The following EAF2 variants were observed in gnomAD, a reference collection of about 807,000 sequenced individuals.
EAF2 encodes the protein ELL-associated factor 2.
Under a neutral mutation model 29.4 loss-of-function variants are expected in EAF2, and 29 were observed. That is an observed-to-expected ratio of 0.99 (90% CI 0.73 to 1.35). The LOEUF is 1.35. Ranked by LOEUF, EAF2 falls within the 40% of genes most tolerant of loss-of-function variation. The probability of loss-of-function intolerance (pLI) is 0.00; values close to 1 mark genes in which losing one functional copy is unlikely to be tolerated. For synonymous variants in EAF2, 103 were observed against 102.5 expected, an observed-to-expected ratio of 1.00 and a Z score of -0.03; for missense variants, 292 against 312.0, an observed-to-expected ratio of 0.94 and a Z score of 0.48.
chr3:121,857,127 C>T lies in EAF2; in HGVS notation c.455C>T (p.Pro152Leu). The T allele has an allele frequency of 6.2e-7, 1 of 1,612,706 alleles. No homozygotes were observed. Among genetic ancestry groups the T allele is most frequent in the South Asian group, 1.1e-5 (1 of 90,854 alleles). Residue 152 changes from proline (P) to leucine (L), a missense_variant, in exon 4 of 6, where the codon CCA (proline) becomes CTA (leucine). By Grantham distance (98) the Pro-to-Leu change is moderately conservative (BLOSUM62 -3). Coordinates refer to ENST00000273668, the MANE Select transcript of EAF2 (RefSeq NM_018456.6). ...TCTCCATCTGAAGATAAGATGTCCC[C>T]AGCATCTCCAATAGATGATATCGAA... ...KHSPSEDKMS[P>L]ASPIDDIERE...
intron 2 of EAF2, among the ~76,000 whole-genome samples, chr3:121,846,133 T>C (rs924870917): frequency 1.3e-5 from 2 of 152,220 alleles, no homozygotes; most frequent in African/African-American, 4.8e-5. Flanking sequence ...ATTAATGAGA[T>C]GGTTTACCGT....
At position 121,854,881 on chromosome 3, in the gene EAF2, A is replaced by G. The variant is rs186467448; in HGVS notation, c.338+58A>G. The stretch of plus-strand genomic sequence containing the variant: ...AACATAAATTTCTAAGGAAATGTCA[A>G]TAAAAAATTTATTAAGTCACATTAT... On this transcript the variant is annotated intron_variant, in intron 3 of 5. Coordinates refer to ENST00000273668, the MANE Select transcript of EAF2 (RefSeq NM_018456.6). 1.4e-4 allele frequency: 193 copies of G among 1,415,442 alleles called. No individual in the cohort carries two copies. The Middle Eastern group carries it at 2.0e-3, about 15-fold the overall frequency. 87.7% of individuals were successfully genotyped at this position (1,415,442 alleles called of 1,614,324 possible).
intron 1 of EAF2, 108 bp from the exon 2 acceptor site, chr3:121,844,345 A>G: frequency 1.5e-6 from 1 of 679,464 alleles, no homozygotes; most frequent in Admixed American, 2.9e-5. Flanking sequence ...AAACCATTTT[A>G]ATTACAAAGC....
At chr3:121,862,223 G>T (rs1708845383) in intron 4 of EAF2, among the ~76,000 whole-genome samples, 1 of 152,176 alleles carries the variant, frequency 6.6e-6, no homozygotes, top group Non-Finnish European at 1.5e-5. Flanking sequence ...GGCCTGCCTT[G>T]CTAGGTTGGG....
Position 121,883,257 on chromosome 3 carries a change from A to G in EAF2, c.737-3085A>G, listed in dbSNP as rs534621867. ...GGACTAGAAAAGTATATGCATATAT[A>G]TTAAAAAATTGCGTCTACAGCTGCC... On this transcript the variant is annotated intron_variant, in intron 5 of 5. Transcript: ENST00000273668. Among the ~76,000 whole-genome samples the G allele has an allele frequency of 1.6e-3, 248 of 152,310 alleles. 1 individual carries two copies. Among genetic ancestry groups the G allele is most frequent in the African/African-American group, 5.7e-3 (236 of 41,576 alleles).
intron 5 of EAF2, among the ~76,000 whole-genome samples, chr3:121,883,601 A>G (rs1401589331): frequency 6.6e-6 from 1 of 152,224 alleles, no homozygotes. Context: ...ATTGTGCAAG[A>G]CTGGTTCATC....
intron 4 of EAF2, among the ~76,000 whole-genome samples, chr3:121,864,922 G>T (rs1708897414): frequency 6.6e-6 from 1 of 152,106 alleles, no homozygotes; most frequent in South Asian, 2.1e-4. Context: ...AGGTTACAAA[G>T]AATCAGACTT....
chr3:121,874,453 G>C (rs1172790540), intron 5 of EAF2, among the ~76,000 whole-genome samples: 1 of 151,766 alleles, frequency 6.6e-6, no homozygotes. Flanking sequence ...GTAAAAGCTA[G>C]AAAAAATTTT....
chr3:121,844,659 C>T (rs1708491935), intron 2 of EAF2, 112 bp downstream of exon 2: 2 of 608,582 alleles, frequency 3.3e-6, no homozygotes, highest in Non-Finnish European at 5.3e-6. Flanking sequence ...AATTAGTAAG[C>T]ACAGATAAGC....
At chr3:121,857,741 T>A (rs1277018348) in intron 4 of EAF2, among the ~76,000 whole-genome samples, 2 of 152,220 alleles carry the variant, frequency 1.3e-5, no homozygotes, top group Non-Finnish European at 1.5e-5. Context: ...GTTACATATG[T>A]ATACATGTGG....
chr3:121,835,686 G>A lies in EAF2; in HGVS notation c.106+295G>A, dbSNP rs577768327. Among the ~76,000 whole-genome samples, 9 of 152,198 alleles carry A rather than the reference G, an allele frequency of 5.9e-5. No homozygotes were observed. The South Asian group carries it at 1.0e-3, about 18-fold the overall frequency. ...GTGACTGTGGAGACAGACGTGACAG[G>A]TGGATGATGCAGGGGTGGACAGGAA... On this transcript the variant is annotated intron_variant, in intron 1 of 5. Transcript: ENST00000273668.
intron 4 of EAF2, among the ~76,000 whole-genome samples, chr3:121,858,358 A>G (rs954491830): frequency 6.6e-6 from 1 of 152,248 alleles, no homozygotes; most frequent in Non-Finnish European, 1.5e-5. Flanking sequence ...AATGATCGCC[A>G]TTCTAACTGG....
At chr3:121,872,317 A>G (rs1263893991) in intron 4 of EAF2, among the ~76,000 whole-genome samples, 1 of 151,948 alleles carries the variant, frequency 6.6e-6, no homozygotes, top group Admixed American at 6.6e-5. Flanking sequence ...TGGAGTTTAG[A>G]TTTAGACCTT....
intron 2 of EAF2, among the ~76,000 whole-genome samples, chr3:121,853,036 T>G (rs563484654): frequency 1.3e-5 from 2 of 152,216 alleles, no homozygotes; most frequent in East Asian, 1.9e-4. Context: ...ATGAATTACA[T>G]GTACCCATCA....
intron 5 of EAF2, among the ~76,000 whole-genome samples, chr3:121,879,501 T>C (rs1332244861): frequency 6.6e-6 from 1 of 152,148 alleles, no homozygotes; most frequent in Admixed American, 6.5e-5. Context: ...TGTTTTCTTC[T>C]AGTAGTTTCA....
At chr3:121,853,593 G>A (rs1003258293) in intron 2 of EAF2, among the ~76,000 whole-genome samples, 1 of 152,052 alleles carries the variant, frequency 6.6e-6, no homozygotes, top group African/African-American at 2.4e-5. Flanking sequence ...CCTGCACCTG[G>A]CTCTCTTCTC....
intron 4 of EAF2, among the ~76,000 whole-genome samples, chr3:121,861,692 T>C (rs1175180944): frequency 1.3e-5 from 2 of 152,242 alleles, no homozygotes; most frequent in Non-Finnish European, 2.9e-5. Context: ...TATTGTTATG[T>C]GTTAATTTGA....
chr3:121,852,844 A>G (rs1340873492), intron 2 of EAF2, among the ~76,000 whole-genome samples: 1 of 152,218 alleles, frequency 6.6e-6, no homozygotes, highest in African/African-American at 2.4e-5. Flanking sequence ...TAAACTCCAA[A>G]GACAAACATA....
At chr3:121,871,723 A>C (rs1709017651) in intron 4 of EAF2, among the ~76,000 whole-genome samples, 1 of 152,026 alleles carries the variant, frequency 6.6e-6, no homozygotes, top group Non-Finnish European at 1.5e-5. Context: ...AACTGAGTGT[A>C]TTATTCACTT....
Sources: allele counts gnomAD v4.1 joint callset (sites outside exome capture counted in the v4.1 genomes callset), GRCh38; gene constraint gnomAD v4.1.1; transcripts MANE v1.5; gene names NCBI Gene and HGNC (gene_info 2026-07-23, HGNC 2026-07-21).